Variants in UCHL5 observed in about 807,000 individuals in gnomAD.
The protein encoded by UCHL5 is ubiquitin C-terminal hydrolase L5.
A neutral mutation model predicts 53.8 loss-of-function variants in UCHL5; 34 were observed. The ratio of observed to expected loss-of-function variants is 0.63; its 90% CI spans 0.48 to 0.84. The LOEUF (loss-of-function observed/expected upper bound fraction) is 0.84. Ranked by LOEUF, UCHL5 falls within the 40% of genes least tolerant of loss-of-function variation. The pLI is 0.00. For synonymous variants in UCHL5, 111 were observed against 126.3 expected (o/e 0.88, Z 0.81); for missense variants, 290 against 385.6 (o/e 0.75, Z 2.08).
intron 2 of UCHL5, among the ~76,000 whole-genome samples, chr1:193,050,411 A>G (rs1016380513): frequency 5.3e-5 from 8 of 152,070 alleles, no homozygotes; most frequent in African/African-American, 1.7e-4. Context: ...TATCTATCAC[A>G]ACTGCCTCCC....
At chr1:193,038,238 C>T (rs1335925280) in intron 3 of UCHL5, among the ~76,000 whole-genome samples, 4 of 152,140 alleles carry the variant, frequency 2.6e-5, no homozygotes, top group African/African-American at 7.2e-5. Flanking sequence ...GGGCAGATTA[C>T]GAGGTCAGGA....
intron 3 of UCHL5, among the ~76,000 whole-genome samples, chr1:193,034,096 A>C (rs1007703724): frequency 6.6e-6 from 1 of 152,258 alleles, no homozygotes; most frequent in East Asian, 1.9e-4. Flanking sequence ...GTGGTTCAGA[A>C]AGATTCAGTT....
intron 10 of UCHL5, chr1:193,020,331 T>C (rs1173873535): frequency 1.3e-6 from 2 of 1,547,292 alleles, no homozygotes; most frequent in Admixed American, 3.9e-5. Flanking sequence ...TTTAAGTTAA[T>C]GGTCCAAAAT....
At chr1:193,057,038 T>G (rs1021244597) in intron 1 of UCHL5, among the ~76,000 whole-genome samples, 2 of 152,366 alleles carry the variant, frequency 1.3e-5, no homozygotes, top group African/African-American at 4.8e-5. Flanking sequence ...ACTTACCTAG[T>G]ACAACATTTC....
At chr1:193,035,987 T>C (rs993330614) in intron 3 of UCHL5, among the ~76,000 whole-genome samples, 8 of 151,896 alleles carry the variant, frequency 5.3e-5, no homozygotes, top group African/African-American at 1.4e-4. Flanking sequence ...CAAAAACCTG[T>C]AATAGATTCA....
chr1:193,027,187 C>T (rs1659592335), intron 7 of UCHL5, among the ~76,000 whole-genome samples: 1 of 152,110 alleles, frequency 6.6e-6, no homozygotes, highest in Non-Finnish European at 1.5e-5. Flanking sequence ...AGTATCCTGG[C>T]TGTGATATTA....
chr1:193,059,777 G>C (rs1376258133), upstream of UCHL5: 1 of 1,356,884 alleles, frequency 7.4e-7, no homozygotes, highest in African/African-American at 1.5e-5. This position sits in a 1 kb window ranked among gnomAD's most constrained non-coding sequence, Gnocchi z 4.9. Flanking sequence ...CCAGGTACAG[G>C]TGAGGACATT....
intron 3 of UCHL5, among the ~76,000 whole-genome samples, chr1:193,038,605 G>C (rs903227007): frequency 6.6e-6 from 1 of 152,122 alleles, no homozygotes; most frequent in Non-Finnish European, 1.5e-5. Flanking sequence ...AACTGGAAAG[G>C]AAGAAATAAA....
At position 193,021,726 on chromosome 1, in the gene UCHL5, T is replaced by C. The variant is rs529088064; in HGVS notation, c.844-531A>G. Among the ~76,000 whole-genome samples, 4 of 152,346 alleles carry C rather than the reference T, an allele frequency of 2.6e-5. No individual in the cohort carries two copies. The South Asian group carries it at 8.3e-4, about 32-fold the overall frequency. ...CTGACCTATTATATATTCTGCCTGG[T>C]AGAAGTATAATTGATTGCCCTTCCA... On this transcript the variant is annotated intron_variant, in intron 9 of 10. Transcript: ENST00000367454.
chr1:193,022,805 C>G (rs1464298284), intron 9 of UCHL5, 121 bp downstream of exon 9: 2 of 612,126 alleles, frequency 3.3e-6, no homozygotes, highest in African/African-American at 1.9e-5. Context: ...AGAGAATCAA[C>G]AAATTATTTG....
chr1:193,022,774 C>A, intron 9 of UCHL5, 152 bp downstream of exon 9: 1 of 405,644 alleles, frequency 2.5e-6, no homozygotes. Flanking sequence ...AGACATCTCA[C>A]TACTTATCTT....
At chr1:193,059,829 G>T, upstream of UCHL5, 1 of 1,358,888 alleles carries the variant, frequency 7.4e-7, no homozygotes, top group Non-Finnish European at 9.8e-7. This position sits in a 1 kb window ranked among gnomAD's most constrained non-coding sequence, Gnocchi z 4.9. Context: ...CCCCAGGGAC[G>T]CGCAAATTCT....
At chr1:193,027,899 G>T in intron 7 of UCHL5, 186 bp downstream of exon 7, 3 of 1,478,832 alleles carry the variant, frequency 2.0e-6, no homozygotes, top group Non-Finnish European at 2.7e-6. Context: ...GAGGCAGGCG[G>T]ATGGCTTGAG....
intron 3 of UCHL5, among the ~76,000 whole-genome samples, chr1:193,037,150 G>A (rs1663833637): frequency 6.6e-6 from 1 of 151,384 alleles, no homozygotes; most frequent in South Asian, 2.1e-4. Context: ...AAAGATCAGA[G>A]CAGAAATCAA....
intron 10 of UCHL5, chr1:193,018,356 A>G (rs1655599081): frequency 5.5e-6 from 2 of 364,224 alleles, no homozygotes; most frequent in Admixed American, 1.3e-4. Flanking sequence ...GTGTAGACAA[A>G]AATTTGTTAA....
At chr1:193,024,559 T>A (rs1247280996) in intron 7 of UCHL5, among the ~76,000 whole-genome samples, 1 of 148,926 alleles carries the variant, frequency 6.7e-6, no homozygotes, top group Non-Finnish European at 1.5e-5. Context: ...ATTTTTAATT[T>A]ATATATTTTA....
rs1654617777 is a variant in UCHL5, at chr1:193,014,553, T to A, written c.*1798A>T. On this transcript the variant is annotated 3_prime_UTR_variant, in exon 11 of 11. Transcript: ENST00000367454. ...CCAAGTCACAAAAATATCATCTGTTTTCAGTTAAAAAGCTTCATACTTTTA... is the reference window on the plus strand; with the variant it reads ...CCAAGTCACAAAAATATCATCTGTTATCAGTTAAAAAGCTTCATACTTTTA... 1 of 152,126 alleles carries A rather than the reference T, an allele frequency of 6.6e-6. No individual in the cohort carries two copies. Among genetic ancestry groups the A allele is most frequent in the African/African-American group, 2.4e-5 (1 of 41,448 alleles). 9.4% of individuals were successfully genotyped at this position (152,126 alleles called of 1,614,324 possible).
intron 3 of UCHL5, among the ~76,000 whole-genome samples, chr1:193,039,915 A>C (rs764499745): frequency 1.3e-5 from 2 of 152,198 alleles, no homozygotes; most frequent in Non-Finnish European, 2.9e-5. Flanking sequence ...TTCCTCCAAT[A>C]AATGGTTCTG....
chr1:193,023,904 C>T lies in UCHL5; in HGVS notation c.672G>A (p.Val224=). ...GCTCATATATCATTTTTCTGTCAGA[C>T]ACAATGGCCATTAAATTAAATCGAA... The part of the protein sequence containing the change: ...GEIRFNLMAI[V]SDRKMIYEQK... Residue 224 remains valine, a synonymous_variant, in exon 8 of 11, where the codon GTG becomes GTA. Transcript: ENST00000367454. The T allele has an allele frequency of 6.2e-7, 1 of 1,612,646 alleles. No homozygotes were observed. Among genetic ancestry groups the T allele is most frequent in the South Asian group, 1.1e-5 (1 of 90,842 alleles).
Sources: gnomAD v4.1 joint callset for allele counts (sites outside exome capture counted in the v4.1 genomes callset) on GRCh38, gnomAD v4.1.1 for gene constraint, Gnocchi (gnomAD v3.1) non-coding constraint, MANE v1.5 for transcripts, NCBI Gene and HGNC (gene_info 2026-07-23, HGNC 2026-07-21) for gene names.